The following TFDP2 variants were observed in gnomAD, a reference collection of about 807,000 sequenced individuals.
TFDP2 encodes transcription factor Dp-2 (E2F dimerization partner 2).
Under a neutral mutation model 59.3 loss-of-function variants are expected in TFDP2, and 17 were observed. The ratio of observed to expected loss-of-function variants is 0.29; its 90% CI spans 0.20 to 0.43. The LOEUF (loss-of-function observed/expected upper bound fraction) is 0.43. Among genes scored for constraint, TFDP2 ranks in the 20% least tolerant of loss-of-function variants. TFDP2 has a pLI of 1.00. For missense variants in TFDP2, 391 were observed against 528.8 expected, an observed-to-expected ratio of 0.74 and a Z score of 2.56; for synonymous variants, 180 against 194.7, an observed-to-expected ratio of 0.92 and a Z score of 0.63.
At chr3:142,088,607 T>A (rs2060889459) in intron 3 of TFDP2, among the ~76,000 whole-genome samples, 1 of 137,744 alleles carries the variant, frequency 7.3e-6, no homozygotes, top group Non-Finnish European at 1.5e-5. Context: ...AGGTCTTTTT[T>A]TTTTTCTTTT....
intron 3 of TFDP2, among the ~76,000 whole-genome samples, chr3:142,006,796 T>A (rs1006704096): frequency 2.0e-5 from 3 of 151,832 alleles, no homozygotes; most frequent in African/African-American, 7.3e-5. Flanking sequence ...TTTCTTTTTT[T>A]TTGAGAGTCT....
intron 6 of TFDP2, among the ~76,000 whole-genome samples, chr3:141,980,185 G>GTGAGC (rs1352857819): frequency 2.7e-5 from 4 of 149,420 alleles, no homozygotes; most frequent in Non-Finnish European, 4.4e-5. Context: ...GGTTATAAGT[G>GTGAGC]TGAGCCACCC....
chr3:142,026,812 T>C (rs1946130996), intron 3 of TFDP2, among the ~76,000 whole-genome samples: 1 of 152,206 alleles, frequency 6.6e-6, no homozygotes, highest in Admixed American at 6.5e-5. Flanking sequence ...ACACTCTTCA[T>C]TCCTACTCTT....
At chr3:142,049,127 C>G (rs1484466532) in intron 3 of TFDP2, among the ~76,000 whole-genome samples, 1 of 152,112 alleles carries the variant, frequency 6.6e-6, no homozygotes, top group Non-Finnish European at 1.5e-5. Context: ...AAAGGTACTT[C>G]AGAAAAGGAA....
intron 4 of TFDP2, among the ~76,000 whole-genome samples, chr3:141,998,529 A>G (rs1943488370): frequency 6.6e-6 from 1 of 152,166 alleles, no homozygotes; most frequent in Non-Finnish European, 1.5e-5. Flanking sequence ...AGGCAGAAGA[A>G]TCACTTGAAC....
At chr3:142,070,668 T>A (rs2060217314) in intron 3 of TFDP2, among the ~76,000 whole-genome samples, 1 of 152,254 alleles carries the variant, frequency 6.6e-6, no homozygotes, top group Admixed American at 6.5e-5. Flanking sequence ...TCCATTTCTG[T>A]GAACTTTCTT....
At chr3:142,119,755 A>C (rs1000480156) in intron 1 of TFDP2, among the ~76,000 whole-genome samples, 4 of 152,174 alleles carry the variant, frequency 2.6e-5, no homozygotes, top group Non-Finnish European at 5.9e-5. Flanking sequence ...CCTGTCTCTA[A>C]AACAAGAAAA....
chr3:142,005,566 A>G (rs1944140910), intron 3 of TFDP2, 22 bp from the exon 4 acceptor site: 1 of 1,542,368 alleles, frequency 6.5e-7, no homozygotes, highest in Admixed American at 1.9e-5. Context: ...TCAAAACATT[A>G]AGTTAGTATT....
intron 3 of TFDP2, chr3:142,044,234 T>G (rs907666813): frequency 1.8e-4 from 42 of 227,138 alleles, no homozygotes; most frequent in South Asian, 1.7e-3. Context: ...GGGTTTTTTT[T>G]TTTTTTTTTT....
intron 3 of TFDP2, chr3:142,043,771 T>C (rs1278552468): frequency 2.5e-6 from 4 of 1,592,964 alleles, no homozygotes; most frequent in Non-Finnish European, 2.6e-6. Context: ...GCGGGCCTTG[T>C]CTGCCTTCAG....
chr3:142,087,124 T>C lies in TFDP2; in HGVS notation c.82+5937A>G, dbSNP rs529296291. 2.6e-5 allele frequency among the ~76,000 whole-genome samples: 4 copies of C among 152,328 alleles called. No homozygotes were observed. In the South Asian group the frequency reaches 8.3e-4, roughly 32 times the overall value. On this transcript the variant is annotated intron_variant, in intron 3 of 12. Coordinates refer to ENST00000489671, the MANE Select transcript of TFDP2 (RefSeq NM_001178139.2). ...TGACAAATGATTCTCCTAGCACCCC[T>C]ATCATTCAGGAAATTACAAGGGTTG...
chr3:141,958,979 A>G (rs545833513), intron 11 of TFDP2, among the ~76,000 whole-genome samples: 1 of 124,192 alleles, frequency 8.1e-6, no homozygotes, highest in Non-Finnish European at 1.6e-5. Flanking sequence ...TTTGAGACAG[A>G]GTTTCACTCT....
intron 1 of TFDP2, among the ~76,000 whole-genome samples, chr3:142,133,640 G>C (rs530906979): frequency 1.4e-5 from 2 of 140,770 alleles, no homozygotes; most frequent in South Asian, 4.2e-4. Context: ...TGGGCTACAG[G>C]CACGTGCCAT....
chr3:142,062,094 C>G (rs1298571230), intron 3 of TFDP2, among the ~76,000 whole-genome samples: 1 of 151,856 alleles, frequency 6.6e-6, no homozygotes, highest in African/African-American at 2.4e-5. Context: ...AGGATGAAGA[C>G]CTTTATGACA....
chr3:142,075,169 G>A (rs570024197), intron 3 of TFDP2, among the ~76,000 whole-genome samples: 6 of 152,136 alleles, frequency 3.9e-5, no homozygotes, highest in Middle Eastern at 3.4e-3. Context: ...TGACAGATAC[G>A]AAAAGCACAG....
intron 3 of TFDP2, among the ~76,000 whole-genome samples, chr3:142,023,043 C>T (rs1945745438): frequency 6.7e-6 from 1 of 148,280 alleles, no homozygotes; most frequent in African/African-American, 2.5e-5. Context: ...TTGCTTGAAC[C>T]CGGGAGGCGG....
chr3:142,046,893 C>A (rs1344167265), intron 3 of TFDP2, among the ~76,000 whole-genome samples: 2 of 152,060 alleles, frequency 1.3e-5, no homozygotes, highest in African/African-American at 4.8e-5. Context: ...TTCAGGCTTC[C>A]CCATTGATTT....
chr3:142,037,015 A>G (rs1946724279), intron 3 of TFDP2, among the ~76,000 whole-genome samples: 1 of 152,234 alleles, frequency 6.6e-6, no homozygotes, highest in South Asian at 2.1e-4. Flanking sequence ...CCTCGAGTGT[A>G]ACCTAAACTT....
intron 12 of TFDP2, 57 bp from the exon 13 acceptor site, chr3:141,952,753 A>C: frequency 1.3e-6 from 2 of 1,598,600 alleles, no homozygotes; most frequent in Non-Finnish European, 1.7e-6. Context: ...AGTTTTGTAA[A>C]ACATAGGAAT....
Sources: gnomAD v4.1 joint callset for allele counts (sites outside exome capture counted in the v4.1 genomes callset) on GRCh38, gnomAD v4.1.1 for gene constraint, MANE v1.5 for transcripts, NCBI Gene and HGNC (gene_info 2026-07-23, HGNC 2026-07-21) for gene names.